ADI1: variants seen among roughly 807,000 people sequenced by gnomAD.
ADI1 encodes the protein acireductone dioxygenase.
ADI1 carries 21 observed loss-of-function variants against 18.7 expected under a neutral mutation model. The ratio of observed to expected loss-of-function variants is 1.13; its 90% CI spans 0.80 to 1.62. The LOEUF is 1.62. Ranked by LOEUF, ADI1 falls within the 40% of genes most tolerant of loss-of-function variation. The probability of loss-of-function intolerance (pLI) is 0.00; values close to 1 mark genes in which losing one functional copy is unlikely to be tolerated. For synonymous variants in ADI1, 90 were observed against 100.1 expected (o/e 0.90, Z 0.60); for missense variants, 245 against 254.9 (o/e 0.96, Z 0.26).
rs756557392 is a variant in ADI1, at chr2:3,500,832, G to T, written c.402C>A (p.Arg134=). The change falls in exon 3 of 4, where the codon CGC becomes CGA. Residue 134 remains arginine, a synonymous_variant. Coordinates refer to ENST00000327435, the MANE Select transcript of ADI1 (RefSeq NM_018269.4). ...MVTLPAGIYH[R]FTVDEKNYTK... ...CTCCCACCTTCTCGTCCACCGTGAAGCGGTGATAGATCCCCGCGGGGAGCG... is the reference window on the plus strand; with the variant it reads ...CTCCCACCTTCTCGTCCACCGTGAATCGGTGATAGATCCCCGCGGGGAGCG... 1.2e-6 allele frequency: 2 copies of T among 1,614,236 alleles called. No homozygotes were observed. The highest frequency in any genetic ancestry group is 4.5e-5 in the East Asian group (2 of 44,884).
At chr2:3,515,286 T>A (rs1481510626) in intron 1 of ADI1, 1 of 155,956 alleles carries the variant, frequency 6.4e-6, no homozygotes, top group Non-Finnish European at 1.4e-5. Context: ...GGAATGCATT[T>A]CTGGGGGGAG....
At chr2:3,501,985 C>T (rs71449677) in intron 2 of ADI1, among the ~76,000 whole-genome samples, 14 of 151,406 alleles carry the variant, frequency 9.2e-5, no homozygotes, top group Non-Finnish European at 1.8e-4. Context: ...CTGTTCATAT[C>T]TCCACACCTC....
chr2:3,517,057 C>G (rs1667425191), intron 1 of ADI1: 1 of 496,094 alleles, frequency 2.0e-6, no homozygotes, highest in Admixed American at 6.4e-5. Context: ...AGCCCCTGCA[C>G]TAGGCCCCAG....
intron 2 of ADI1, among the ~76,000 whole-genome samples, chr2:3,502,164 T>C (rs1004904588): frequency 1.3e-5 from 2 of 152,040 alleles, no homozygotes; most frequent in Non-Finnish European, 2.9e-5. Context: ...TAGCTGGGAC[T>C]ACAGGCGTGC....
In ADI1 at chr2:3,498,970, G is replaced by T. The variant is rs375578103; in HGVS notation, c.533C>A (p.Thr178Asn). The change falls in exon 4 of 4, where the codon ACC becomes AAC. Residue 178 changes from threonine to asparagine, a missense_variant. By Grantham distance (65) the Thr-to-Asn change is moderately conservative (BLOSUM62 0). Transcript: ENST00000327435. ...AGTTCCCAGGCAGCACTGCTAGGCGGTCTGTGCCAGAAATTTCACGTACTG... is the reference window on the plus strand; with the variant it reads ...AGTTCCCAGGCAGCACTGCTAGGCGTTCTGTGCCAGAAATTTCACGTACTG... ...RGQYVKFLAQ[T>N]A 2 of 1,611,844 alleles carry T rather than the reference G, an allele frequency of 1.2e-6. No individual in the cohort carries two copies. Among genetic ancestry groups the T allele is most frequent in the African/African-American group, 1.3e-5 (1 of 75,008 alleles).
intron 2 of ADI1, among the ~76,000 whole-genome samples, chr2:3,513,443 G>A (rs1394155244): frequency 6.6e-6 from 1 of 152,174 alleles, no homozygotes; most frequent in Non-Finnish European, 1.5e-5. Context: ...GGATCATGAG[G>A]GTGGATTTCT....
At chr2:3,519,212 C>G in intron 1 of ADI1, 156 bp downstream of exon 1, 1 of 1,160,650 alleles carries the variant, frequency 8.6e-7, no homozygotes, top group Non-Finnish European at 1.1e-6. Context: ...ACCCCAGGCA[C>G]CGGGAGCCGC....
intron 2 of ADI1, among the ~76,000 whole-genome samples, chr2:3,512,562 G>A (rs1173579830): frequency 6.6e-6 from 1 of 152,250 alleles, no homozygotes; most frequent in African/African-American, 2.4e-5. Flanking sequence ...TGCAAGCCAT[G>A]AGCCTTTGTG....
At chr2:3,504,856 C>A (rs892233400) in intron 2 of ADI1, among the ~76,000 whole-genome samples, 1 of 150,716 alleles carries the variant, frequency 6.6e-6, no homozygotes, top group African/African-American at 2.4e-5. Flanking sequence ...TGTTGGTTCA[C>A]CTGCGTATGT....
At chr2:3,499,223 G>A in intron 3 of ADI1, 141 bp from the exon 4 acceptor site, 1 of 1,376,870 alleles carries the variant, frequency 7.3e-7, no homozygotes, top group Non-Finnish European at 9.6e-7. Context: ...TAACAATTTA[G>A]GCCACATTTT....
At chr2:3,516,197 T>C (rs532388921) in intron 1 of ADI1, 1 of 365,278 alleles carries the variant, frequency 2.7e-6, no homozygotes, top group African/African-American at 2.2e-5. Context: ...GTAAGAGAGA[T>C]GGAGCTGGGC....
intron 1 of ADI1, among the ~76,000 whole-genome samples, chr2:3,518,507 C>G (rs1183108910): frequency 6.6e-6 from 1 of 152,244 alleles, no homozygotes; most frequent in Non-Finnish European, 1.5e-5. Flanking sequence ...CAACGGGACA[C>G]CGGTGCAAAG....
At chr2:3,499,228 C>T in intron 3 of ADI1, 146 bp from the exon 4 acceptor site, 2 of 1,363,618 alleles carry the variant, frequency 1.5e-6, no homozygotes, top group Non-Finnish European at 1.9e-6. Flanking sequence ...ATTTAGGCCA[C>T]ATTTTATTCG....
chr2:3,513,425 A>C (rs765580925), intron 2 of ADI1, among the ~76,000 whole-genome samples: 1 of 152,186 alleles, frequency 6.6e-6, no homozygotes, highest in South Asian at 2.1e-4. Context: ...ACCTGGTGGG[A>C]GGTGACTGGA....
At chr2:3,518,977 C>G (rs76935498) in intron 1 of ADI1, among the ~76,000 whole-genome samples, 2 of 152,120 alleles carry the variant, frequency 1.3e-5, no homozygotes, top group Non-Finnish European at 2.9e-5. Flanking sequence ...CAGAAACGGA[C>G]CGCCGACCCC....
Position 3,515,104 on chromosome 2 carries a change from C to T in ADI1, c.121-1128G>A, listed in dbSNP as rs186087360. On this transcript the variant is annotated intron_variant, in intron 1 of 3. Coordinates refer to ENST00000327435, the MANE Select transcript of ADI1 (RefSeq NM_018269.4). ...TACACCTTAAAAAATAAAATAACAG[C>T]GATTTTTAGGGAACAAGGGAAGACA... 3.3e-5 allele frequency: 9 copies of T among 274,624 alleles called. No homozygotes were observed. The East Asian group carries it at 6.1e-4, about 19-fold the overall frequency. The allele number at this position is 274,624 out of a possible 1,614,324, so 17.0% of individuals were successfully genotyped here.
intron 3 of ADI1, 33 bp from the exon 4 acceptor site, chr2:3,499,115 T>C (rs756778226): frequency 1.3e-6 from 2 of 1,599,222 alleles, no homozygotes; most frequent in Non-Finnish European, 1.7e-6. Context: ...CAGCATCTCA[T>C]TAAACCAGCC....
intron 2 of ADI1, among the ~76,000 whole-genome samples, chr2:3,506,282 C>T (rs1459408320): frequency 2.6e-5 from 4 of 152,210 alleles, no homozygotes; most frequent in African/African-American, 9.7e-5. Flanking sequence ...GATGGTATCA[C>T]TGTCTAGGTA....
intron 2 of ADI1, among the ~76,000 whole-genome samples, chr2:3,509,194 A>G (rs1667242825): frequency 2.6e-5 from 4 of 152,220 alleles, no homozygotes; most frequent in African/African-American, 9.6e-5. Context: ...GCTAACACTG[A>G]TAGAACTGCA....
Sources: allele counts gnomAD v4.1 joint callset (sites outside exome capture counted in the v4.1 genomes callset), GRCh38; gene constraint gnomAD v4.1.1; transcripts MANE v1.5; gene names NCBI Gene and HGNC (gene_info 2026-07-23, HGNC 2026-07-21).